PPP6R2: variants seen among roughly 807,000 people sequenced by gnomAD.
PPP6R2 encodes protein phosphatase 6 regulatory subunit 2, also known as serine/threonine-protein phosphatase 6 regulatory subunit 2.
A neutral mutation model predicts 100.2 loss-of-function variants in PPP6R2; 62 were observed. That is an observed-to-expected ratio of 0.62 (90% CI 0.50 to 0.76). The LOEUF is 0.76. Ranked by LOEUF, PPP6R2 falls within the 30% of genes least tolerant of loss-of-function variation. The pLI is 0.00. For synonymous variants in PPP6R2, 525 were observed against 514.7 expected (o/e 1.02, Z -0.27); for missense variants, 1,142 against 1,276.3 (o/e 0.89, Z 1.60).
rs190590115 is a variant in PPP6R2 at position 50,355,524 on chromosome 22, C to T, written c.-148+11974C>T. ...GATTACAAGCGTGAGCCACTGCGCC[C>T]GGCCTTTTTTTTTTGAGATAGAGTC... On this transcript the variant is annotated intron_variant, in intron 1 of 23. Transcript: ENST00000612753. 1.8e-3 allele frequency among the ~76,000 whole-genome samples: 238 copies of T among 129,610 alleles called. 2 individuals carry two copies. The highest frequency in any genetic ancestry group is 6.5e-3 in the African/African-American group (222 of 33,924). 85.0% of individuals were successfully genotyped at this position (129,610 alleles called of 152,430 possible).
chr22:50,392,833 C>CTAGG (rs2055923181), intron 2 of PPP6R2, among the ~76,000 whole-genome samples: 1 of 152,126 alleles, frequency 6.6e-6, no homozygotes, highest in African/African-American at 2.4e-5. Flanking sequence ...GTCAGGGGTC[C>CTAGG]TAGGGCATCA....
At position 50,424,418 on chromosome 22, in the gene PPP6R2, G is replaced by A. The variant is rs1357363762; in HGVS notation, c.1125+804G>A. ...AGGTCCGTCAGTGTGTGGAAGGTCC[G>A]TCCGCGTGTGGAAGGTCCGTCCGCG... On this transcript the variant is annotated intron_variant, in intron 10 of 23. Transcript: ENST00000612753. Among the ~76,000 whole-genome samples, 2 of 149,998 alleles carry A rather than the reference G, an allele frequency of 1.3e-5. 1 individual carries two copies. The highest frequency in any genetic ancestry group is 3.0e-5 in the Non-Finnish European group (2 of 67,634).
intron 1 of PPP6R2, among the ~76,000 whole-genome samples, chr22:50,355,635 C>G (rs1001607323): frequency 4.0e-5 from 6 of 151,448 alleles, no homozygotes; most frequent in Non-Finnish European, 8.8e-5. Flanking sequence ...ATTCTCCTGC[C>G]TCAGCCTCCT....
intron 2 of PPP6R2, among the ~76,000 whole-genome samples, chr22:50,381,346 ACACG>A (rs2052945878): frequency 3.9e-5 from 3 of 77,110 alleles, no homozygotes; most frequent in Admixed American, 1.2e-4. Flanking sequence ...CCTCAGCATC[ACACG>A]GGCCCCACCT....
In PPP6R2 at chr22:50,440,979, G is replaced by C. The variant is rs768836966; in HGVS notation, c.2532G>C (p.Glu844Asp). 5 of 1,611,120 alleles carry C rather than the reference G, an allele frequency of 3.1e-6. No individual in the cohort carries two copies. ...CGGTGAGCAGGGGTCCCGGCCGGGAGGCCCCCCCGCTGCCCACAGTGGCCA... is the reference window on the plus strand; with the variant it reads ...CGGTGAGCAGGGGTCCCGGCCGGGACGCCCCCCCGCTGCCCACAGTGGCCA... ...MDAVSRGPGR[E>D]APPLPTVART... The change falls in exon 22 of 24, where the codon GAG becomes GAC. Residue 844 changes from glutamate (E) to aspartate (D), a missense_variant. Physicochemically the swap from Glu to Asp is conservative, Grantham distance 45 (BLOSUM62 2). Transcript: ENST00000612753.
intron 8 of PPP6R2, among the ~76,000 whole-genome samples, chr22:50,420,398 G>A (rs896909704): frequency 2.0e-5 from 3 of 152,194 alleles, no homozygotes; most frequent in East Asian, 1.9e-4. Context: ...TGCAGCTGTC[G>A]GAGGCTGCTG....
chr22:50,375,574 G>T (rs530756785), intron 2 of PPP6R2, among the ~76,000 whole-genome samples: 1 of 152,016 alleles, frequency 6.6e-6, no homozygotes, highest in African/African-American at 2.4e-5. Flanking sequence ...GCCTCACACC[G>T]TTCCTTGCCC....
At chr22:50,350,862 T>G (rs74354578) in intron 1 of PPP6R2, among the ~76,000 whole-genome samples, 1 of 148,434 alleles carries the variant, frequency 6.7e-6, no homozygotes, top group Admixed American at 6.7e-5. Flanking sequence ...AAAAAAAAAT[T>G]ACTCCTTGAT....
chr22:50,363,686 C>T (rs552340184), intron 1 of PPP6R2, among the ~76,000 whole-genome samples: 9 of 152,210 alleles, frequency 5.9e-5, no homozygotes, highest in African/African-American at 9.6e-5. Context: ...CTCTTACGGA[C>T]GGACCTGGAG....
intron 8 of PPP6R2, among the ~76,000 whole-genome samples, chr22:50,421,496 CT>C (rs1485363181): frequency 2.6e-5 from 4 of 152,344 alleles, no homozygotes; most frequent in Middle Eastern, 6.8e-3. Context: ...GTGTGAGCCA[CT>C]GCACCTGGCT....
chr22:50,421,814 G>A lies in PPP6R2; in HGVS notation c.846-440G>A, dbSNP rs537683441. Among the ~76,000 whole-genome samples the A allele has an allele frequency of 1.6e-4, 24 of 152,146 alleles. 1 individual carries two copies. The highest frequency in any genetic ancestry group is 1.5e-3 in the Admixed American group (23 of 15,276). On this transcript the variant is annotated intron_variant, in intron 8 of 23. Coordinates refer to ENST00000612753, the MANE Select transcript of PPP6R2 (RefSeq NM_001242898.2). ...ACCCAGGAGGTGGAGGTTGCAGTGA[G>A]CTAAGATCGCACCATCGCACTCCAG...
intron 19 of PPP6R2, 81 bp from the exon 20 acceptor site, chr22:50,439,620 C>T (rs971749742): frequency 1.4e-5 from 20 of 1,425,282 alleles, no homozygotes; most frequent in East Asian, 2.5e-5. Flanking sequence ...GAGGGGCTCC[C>T]GGGGCAGGGG....
chr22:50,387,908 G>A lies in PPP6R2; in HGVS notation c.-16-5985G>A, dbSNP rs76201378. On this transcript the variant is annotated intron_variant, in intron 2 of 23. Transcript: ENST00000612753. ...AGTAATCCTCCCCACAGGGGATGTC[G>A]ATGCTGCATTTTACGGGTGAGGAAA... is the stretch of plus-strand genomic sequence containing the variant. Among the ~76,000 whole-genome samples the A allele has an allele frequency of 5.3e-3, 805 of 152,298 alleles. 45 individuals carry two copies. The East Asian group carries it at 0.13, about 25-fold the overall frequency.
At position 50,394,287 on chromosome 22, in the gene PPP6R2, T is replaced by C. The variant is rs1229119429; in HGVS notation, c.227+152T>C. 3 of 1,245,226 alleles carry C rather than the reference T, an allele frequency of 2.4e-6. No homozygotes were observed. The East Asian group carries it at 7.6e-5, about 32-fold the overall frequency. The allele number at this position is 1,245,226 out of a possible 1,614,324, so 77.1% of individuals were successfully genotyped here. A position where few individuals can be genotyped will look rare whatever the true frequency, so the allele number is the denominator to read the frequency against. On this transcript the variant is annotated intron_variant, in intron 3 of 23. Transcript: ENST00000612753. ...GTGAGAAGTGAGGAGGGCACTCCCA[T>C]GGGGTCTGAGGTTGAAGAGTTTGGA...
In PPP6R2 at chr22:50,434,973, G is replaced by T; in HGVS notation, c.1408G>T (p.Gly470Cys). ...GGTGCCTGTTGCTTTCAGGGCAGCG[G>T]GTGGCATGAGACGTGGGAACATGGG... Reference protein sequence around the residue: ...WEANDHTQAAGGMRRGNMGHL... With the variant: ...WEANDHTQAACGMRRGNMGHL... Residue 470 changes from glycine (G) to cysteine (C), a missense_variant, in exon 13 of 24, where the codon GGT (glycine) becomes TGT (cysteine). By Grantham distance (159) the Gly-to-Cys change is radical. Around this residue, in one of 2 missense-constraint regions of PPP6R2, gnomAD observed 592 missense variants for 758.9 expected, o/e 0.78. Coordinates refer to ENST00000612753, the MANE Select transcript of PPP6R2 (RefSeq NM_001242898.2). The T allele has an allele frequency of 6.2e-7, 1 of 1,604,064 alleles. No individual in the cohort carries two copies.
intron 15 of PPP6R2, among the ~76,000 whole-genome samples, 183 bp from the exon 16 acceptor site, chr22:50,437,323 C>T (rs777044610): frequency 1.4e-4 from 22 of 152,226 alleles, no homozygotes; most frequent in Non-Finnish European, 2.5e-4. Context: ...GTGACCGCAG[C>T]GAGCGCGCAG....
At chr22:50,374,608 C>T (rs902845632) in intron 2 of PPP6R2, among the ~76,000 whole-genome samples, 1 of 152,032 alleles carries the variant, frequency 6.6e-6, no homozygotes, top group African/African-American at 2.4e-5. Flanking sequence ...ATGTCCCAAT[C>T]AATATTTTTA....
chr22:50,346,277 C>G (rs1353237604), intron 1 of PPP6R2, among the ~76,000 whole-genome samples: 1 of 61,834 alleles, frequency 1.6e-5, no homozygotes, highest in Non-Finnish European at 3.3e-5. Flanking sequence ...CAGTTCCCCC[C>G]AGTCAGTGCC....
intron 14 of PPP6R2, 117 bp downstream of exon 14, chr22:50,436,569 T>C: frequency 1.0e-6 from 1 of 988,502 alleles, no homozygotes; most frequent in South Asian, 1.5e-5. Flanking sequence ...CACGCCTGCC[T>C]GCTCCTCTTG....
Sources: gnomAD v4.1 joint callset for allele counts (sites outside exome capture counted in the v4.1 genomes callset) on GRCh38, gnomAD v4.1.1 for gene constraint, gnomAD v4.1.1 regional missense constraint, MANE v1.5 for transcripts, NCBI Gene and HGNC (gene_info 2026-07-23, HGNC 2026-07-21) for gene names.